The following KATNIP variants were observed in gnomAD, a reference collection of about 807,000 sequenced individuals.
The protein encoded by KATNIP is katanin-interacting protein.
Under a neutral mutation model 174.0 loss-of-function variants are expected in KATNIP, and 126 were observed. The ratio of observed to expected loss-of-function variants is 0.72; its 90% CI spans 0.63 to 0.84. The LOEUF is 0.84. KATNIP is among the 40% of genes least tolerant of loss of function. The pLI is 0.00. For missense variants in KATNIP, 1,958 were observed against 2,109.7 expected (o/e 0.93, Z 1.41); for synonymous variants, 810 against 835.7 (o/e 0.97, Z 0.53).
chr16:27,766,388 G>A lies in KATNIP; in HGVS notation c.3889G>A (p.Val1297Ile). Residue 1297 changes from valine to isoleucine, a missense_variant, in exon 20 of 28, where the codon GTC (valine) becomes ATC (isoleucine). By Grantham distance (29) the Val-to-Ile change is conservative. This residue lies in a region of KATNIP where 383 missense variants were observed against 456.0 expected (regional missense o/e 0.84). Transcript: ENST00000261588. ...IPFSPGLDHVVTIRLDRAESI... is the reference protein window; with the variant it reads ...IPFSPGLDHVITIRLDRAESI... Reference sequence around the variant, plus strand: ...CTTCTCGCCGGGGCTGGACCATGTGGTCACGATCCGCCTGGACAGGGCCGA... The same window carrying A: ...CTTCTCGCCGGGGCTGGACCATGTGATCACGATCCGCCTGGACAGGGCCGA... The A allele has an allele frequency of 6.2e-7, 1 of 1,614,168 alleles. No individual in the cohort carries two copies. Among genetic ancestry groups the A allele is most frequent in the Non-Finnish European group, 8.5e-7 (1 of 1,180,036 alleles).
intron 2 of KATNIP, among the ~76,000 whole-genome samples, chr16:27,575,950 C>G (rs1180436985): frequency 6.6e-6 from 1 of 152,148 alleles, no homozygotes; most frequent in Non-Finnish European, 1.5e-5. Context: ...CTTCCCACAG[C>G]ATCCTTCCAG....
chr16:27,760,566 G>T (rs184449414), intron 18 of KATNIP, among the ~76,000 whole-genome samples: 1 of 152,314 alleles, frequency 6.6e-6, no homozygotes, highest in African/African-American at 2.4e-5. Flanking sequence ...TGTGATAGCA[G>T]CCAATTTGCA....
At chr16:27,609,431 C>T (rs1223867265) in intron 2 of KATNIP, among the ~76,000 whole-genome samples, 1 of 132,970 alleles carries the variant, frequency 7.5e-6, no homozygotes, top group African/African-American at 2.9e-5. Context: ...CGCTTTGTTG[C>T]CCAGGCCAAA....
chr16:27,659,204 T>C (rs1025612849), intron 6 of KATNIP, among the ~76,000 whole-genome samples: 2 of 152,114 alleles, frequency 1.3e-5, no homozygotes, highest in African/African-American at 2.4e-5. Context: ...TTTGTTTAGG[T>C]TTTTTACTAT....
intron 14 of KATNIP, among the ~76,000 whole-genome samples, chr16:27,734,195 G>A (rs912916608): frequency 3.3e-5 from 5 of 151,726 alleles, no homozygotes; most frequent in Non-Finnish European, 2.9e-5. Context: ...TAATTCTCCC[G>A]CCTCAGCCTC....
chr16:27,567,490 G>A (rs897916502), intron 1 of KATNIP, among the ~76,000 whole-genome samples: 2 of 152,094 alleles, frequency 1.3e-5, no homozygotes, highest in East Asian at 1.9e-4. Flanking sequence ...GCTGGATGTG[G>A]TAGCACACCC....
intron 3 of KATNIP, among the ~76,000 whole-genome samples, chr16:27,627,410 G>T (rs2076366318): frequency 6.6e-6 from 1 of 152,216 alleles, no homozygotes; most frequent in Non-Finnish European, 1.5e-5. Context: ...GTTCAGGCAT[G>T]AGTGATAGTG....
In KATNIP at chr16:27,661,959, CATACAT is replaced by C. The variant is rs1402945552; in HGVS notation, c.540+13228_540+13233del. The stretch of plus-strand genomic sequence containing the variant: ...ATATATATATATATATATATATACA[CATACAT>C]ATATATATATATATATATATACACA... On this transcript the variant is annotated intron_variant, in intron 6 of 27. Transcript: ENST00000261588. Among the ~76,000 whole-genome samples, 11 of 29,206 alleles carry C rather than the reference CATACAT, an allele frequency of 3.8e-4. 1 individual carries two copies. Among genetic ancestry groups the C allele is most frequent in the African/African-American group, 2.0e-3 (11 of 5,608 alleles). 19.2% of individuals were successfully genotyped at this position (29,206 alleles called of 152,430 possible). A position where few individuals can be genotyped will look rare whatever the true frequency, so the allele number is the denominator to read the frequency against.
intron 18 of KATNIP, among the ~76,000 whole-genome samples, chr16:27,758,922 G>C (rs2081842021): frequency 6.6e-6 from 1 of 152,218 alleles, no homozygotes; most frequent in Non-Finnish European, 1.5e-5. Context: ...TTCAGAGATT[G>C]TGCTCTGTTG....
chr16:27,774,189 C>T (rs2082409297), intron 23 of KATNIP, among the ~76,000 whole-genome samples: 1 of 152,192 alleles, frequency 6.6e-6, no homozygotes. Context: ...GGGTCCCTGG[C>T]TTCCAGTTGG....
At chr16:27,748,773 G>C (rs550442134) in intron 15 of KATNIP, among the ~76,000 whole-genome samples, 83 of 152,174 alleles carry the variant, frequency 5.5e-4, no homozygotes, top group African/African-American at 1.9e-3. Flanking sequence ...AACAGAGCGA[G>C]ACCCTGTCTC....
intron 13 of KATNIP, among the ~76,000 whole-genome samples, chr16:27,717,034 G>A (rs754959995): frequency 3.3e-4 from 50 of 152,070 alleles, no homozygotes; most frequent in Non-Finnish European, 6.6e-4. Flanking sequence ...AGTAGAGACA[G>A]GGTTTCACTA....
chr16:27,768,864 G>A (rs751083256), intron 20 of KATNIP, among the ~76,000 whole-genome samples: 3 of 152,224 alleles, frequency 2.0e-5, no homozygotes, highest in Non-Finnish European at 2.9e-5. Context: ...GAGCGCCTCT[G>A]CCTCTCCCTA....
At chr16:27,744,690 C>T (rs2081222953) in intron 15 of KATNIP, among the ~76,000 whole-genome samples, 1 of 152,064 alleles carries the variant, frequency 6.6e-6, no homozygotes, top group Non-Finnish European at 1.5e-5. Context: ...CGAGACCAGC[C>T]TGATTAATGT....
chr16:27,757,417 G>A (rs748011206), intron 18 of KATNIP: 1 of 825,168 alleles, frequency 1.2e-6, no homozygotes, highest in Non-Finnish European at 1.5e-6. Flanking sequence ...GTCAGAGTGT[G>A]GTCACCAGAA....
intron 14 of KATNIP, among the ~76,000 whole-genome samples, chr16:27,736,191 C>CG (rs2080888870): frequency 6.6e-6 from 1 of 151,954 alleles, no homozygotes; most frequent in African/African-American, 2.4e-5. Flanking sequence ...TTAGTAGAGA[C>CG]GGGGTTTCAT....
intron 14 of KATNIP, among the ~76,000 whole-genome samples, chr16:27,730,392 C>T (rs754570974): frequency 2.0e-5 from 3 of 152,140 alleles, no homozygotes; most frequent in Non-Finnish European, 4.4e-5. Flanking sequence ...TGAGTCACAG[C>T]GACACCATTG....
chr16:27,737,274 C>T (rs1212016994), intron 14 of KATNIP, among the ~76,000 whole-genome samples: 1 of 152,074 alleles, frequency 6.6e-6, no homozygotes, highest in Non-Finnish European at 1.5e-5. Context: ...TCCCAGCTAT[C>T]CAGGATGCTG....
At chr16:27,663,795 T>G (rs2077600563) in intron 6 of KATNIP, among the ~76,000 whole-genome samples, 1 of 151,942 alleles carries the variant, frequency 6.6e-6, no homozygotes, top group Admixed American at 6.6e-5. Flanking sequence ...TAGGGTGTTT[T>G]TTTTTTCCCC....
Sources: gnomAD v4.1 joint callset for allele counts (sites outside exome capture counted in the v4.1 genomes callset) on GRCh38, gnomAD v4.1.1 for gene constraint, gnomAD v4.1.1 regional missense constraint, MANE v1.5 for transcripts, NCBI Gene and HGNC (gene_info 2026-07-23, HGNC 2026-07-21) for gene names.